Variants in PML observed in about 807,000 individuals in gnomAD.
PML encodes the protein PML nuclear body scaffold, also known as protein PML.
A neutral mutation model predicts 65.2 loss-of-function variants in PML; 28 were observed. The observed-to-expected ratio is 0.43, with a 90% confidence interval of 0.32 to 0.59. PML has a LOEUF of 0.59. PML is among the 20% of genes least tolerant of loss of function. The pLI, the probability that PML is intolerant of heterozygous loss-of-function variation, is 0.08. For missense variants in PML, 1,021 were observed against 1,203.4 expected (o/e 0.85, Z 2.24); for synonymous variants, 500 against 508.8 (o/e 0.98, Z 0.23).
At chr15:74,024,777 C>T in intron 3 of PML, 80 bp from the exon 4 acceptor site, 1 of 1,024,000 alleles carries the variant, frequency 9.8e-7, no homozygotes, top group Non-Finnish European at 1.6e-6. Flanking sequence ...CAGGGACCTC[C>T]TCTCTATCAC....
intron 2 of PML, among the ~76,000 whole-genome samples, chr15:74,013,684 A>G (rs1251970266): frequency 6.6e-6 from 1 of 152,186 alleles, no homozygotes; most frequent in Admixed American, 6.5e-5. Context: ...TTGCTATGTT[A>G]TTTTTACCTT....
At position 74,044,824 on chromosome 15, in the gene PML, A is replaced by G; in HGVS notation, c.2465A>G (p.Lys822Arg). ...HRRDRQGGLK[K>R]YSRYLSLQTT... ...CGTGACCGGCAGGGGGGCCTGAAGAAGTACAGCCGCTATCTAAGCCTGCAG... is the reference window on the plus strand; with the variant it reads ...CGTGACCGGCAGGGGGGCCTGAAGAGGTACAGCCGCTATCTAAGCCTGCAG... The change falls in exon 9 of 9, where the codon AAG becomes AGG. Residue 822 changes from lysine (K) to arginine (R), a missense_variant. Coordinates refer to ENST00000268058, the MANE Select transcript of PML (RefSeq NM_033238.3). 5.0e-6 allele frequency: 8 copies of G among 1,613,234 alleles called. No individual in the cohort carries two copies. Among genetic ancestry groups the G allele is most frequent in the Non-Finnish European group, 6.8e-6 (8 of 1,180,032 alleles).
intron 2 of PML, 67 bp downstream of exon 2, chr15:73,998,543 A>T: frequency 7.3e-7 from 1 of 1,366,412 alleles, no homozygotes; most frequent in Non-Finnish European, 1.0e-6. Context: ...AGGAGCAAAG[A>T]TCCAAAGAGT....
At chr15:74,009,197 A>G (rs2070209349) in intron 2 of PML, among the ~76,000 whole-genome samples, 1 of 152,170 alleles carries the variant, frequency 6.6e-6, no homozygotes, top group South Asian at 2.1e-4. Context: ...AGATCCTAAA[A>G]TTTGCTGGAT....
intron 2 of PML, among the ~76,000 whole-genome samples, chr15:74,020,725 G>T (rs1381891674): frequency 6.6e-6 from 1 of 152,184 alleles, no homozygotes; most frequent in African/African-American, 2.4e-5. Context: ...AGCAGGCTTT[G>T]CTCCTTTGGG....
chr15:73,998,278 C>G lies in PML; in HGVS notation c.404C>G (p.Ser135Trp). Residue 135 changes from serine (S) to tryptophan (W), a missense_variant, in exon 2 of 9, where the codon TCG (serine) becomes TGG (tryptophan). Ser to Trp is a radical substitution (Grantham distance 177). Transcript: ENST00000268058. ...GCTGTGTGCACCCGCTGCAAAGAGT[C>G]GGCCGACTTCTGGTGCTTTGAGTGC... is the stretch of plus-strand genomic sequence containing the variant. ...AQAVCTRCKE[S>W]ADFWCFECEQ... 2.5e-6 allele frequency: 4 copies of G among 1,614,190 alleles called. No homozygotes were observed. The highest frequency in any genetic ancestry group is 3.4e-6 in the Non-Finnish European group (4 of 1,180,034).
At chr15:74,016,599 T>C (rs4886844) in intron 2 of PML, among the ~76,000 whole-genome samples, 75,521 of 151,750 alleles carry the variant, frequency 0.5, 19,330 homozygotes, top group Non-Finnish European at 0.56. Flanking sequence ...AAAATCTAAA[T>C]AGGTGAAAAG....
rs2071767500 is a variant in PML at position 74,046,064 on chromosome 15, C to G, written c.*1056C>G. 4.3e-6 allele frequency: 1 copy of G among 233,080 alleles called. No homozygotes were observed. Among genetic ancestry groups the G allele is most frequent in the East Asian group, 6.0e-5 (1 of 16,572 alleles). 14.4% of individuals were successfully genotyped at this position (233,080 alleles called of 1,614,324 possible). ...CTGTGCAGTGAGTGTGGCCTAGGAA[C>G]AGGTCCCTTCCTAAGCTCTAGTGTC... is the stretch of plus-strand genomic sequence containing the variant. On this transcript the variant is annotated 3_prime_UTR_variant, in exon 9 of 9. Transcript: ENST00000268058.
rs1453073399 is a variant in PML at position 74,044,815 on chromosome 15, G to T, written c.2456G>T (p.Gly819Val). Reference sequence around the variant, plus strand: ...GCACACCGCCGTGACCGGCAGGGGGGCCTGAAGAAGTACAGCCGCTATCTA... The same window carrying T: ...GCACACCGCCGTGACCGGCAGGGGGTCCTGAAGAAGTACAGCCGCTATCTA... The part of the protein sequence containing the change: ...LSAHRRDRQG[G>V]LKKYSRYLSL... Residue 819 changes from glycine to valine, a missense_variant, in exon 9 of 9, where the codon GGC becomes GTC. Coordinates refer to ENST00000268058, the MANE Select transcript of PML (RefSeq NM_033238.3). 5 of 1,613,072 alleles carry T rather than the reference G, an allele frequency of 3.1e-6. No individual in the cohort carries two copies. The highest frequency in any genetic ancestry group is 4.2e-6 in the Non-Finnish European group (5 of 1,180,040).
At chr15:74,034,912 G>A in intron 7 of PML, 2 of 1,440,304 alleles carry the variant, frequency 1.4e-6, no homozygotes, top group Non-Finnish European at 1.8e-6. Context: ...GCCAGTGAAG[G>A]GGTGTCAGGC....
intron 2 of PML, among the ~76,000 whole-genome samples, chr15:74,004,398 CT>C (rs1422848582): frequency 6.6e-6 from 1 of 152,048 alleles, no homozygotes; most frequent in Non-Finnish European, 1.5e-5. Flanking sequence ...AACTCCTAGA[CT>C]CAAGAGGTCT....
chr15:74,044,973 C>T lies in PML; in HGVS notation c.2614C>T (p.Arg872Cys), dbSNP rs762496523. The change falls in exon 9 of 9, where the codon CGT becomes TGT. Residue 872 changes from arginine to cysteine, a missense_variant. Physicochemically the swap from Arg to Cys is radical, Grantham distance 180. Coordinates refer to ENST00000268058, the MANE Select transcript of PML (RefSeq NM_033238.3). ...AGGAGTCTCCACCCCACTTGCTGGC[C>T]GTGGCTTGGCAGAGAGGGCCTCCCA... ...AEGVSTPLAG[R>C]GLAERASQQS 3.9e-5 allele frequency: 62 copies of T among 1,608,744 alleles called. No homozygotes were observed. Among genetic ancestry groups the T allele is most frequent in the Non-Finnish European group, 4.3e-5 (51 of 1,178,408 alleles).
In PML at chr15:74,046,171, A is replaced by G. The variant is rs901440364; in HGVS notation, c.*1163A>G. On this transcript the variant is annotated 3_prime_UTR_variant, in exon 9 of 9. Coordinates refer to ENST00000268058, the MANE Select transcript of PML (RefSeq NM_033238.3). Reference sequence around the variant, plus strand: ...CCATCCTGCATTTTTAGGAATGGAAAGCAGGCCTCTGAGGCAGTGGACAGG... The same window carrying G: ...CCATCCTGCATTTTTAGGAATGGAAGGCAGGCCTCTGAGGCAGTGGACAGG... The G allele has an allele frequency of 3.9e-5, 9 of 233,056 alleles. No homozygotes were observed. Among genetic ancestry groups the G allele is most frequent in the Admixed American group, 5.6e-5 (1 of 17,778 alleles). The allele number at this position is 233,056 out of a possible 1,614,324, so 14.4% of individuals were successfully genotyped here.
In PML at chr15:74,023,775, G is replaced by A. The variant is rs371619328; in HGVS notation, c.1183+367G>A. Among the ~76,000 whole-genome samples the A allele has an allele frequency of 3.9e-5, 6 of 152,290 alleles. No homozygotes were observed. The East Asian group carries it at 7.7e-4, about 20-fold the overall frequency. ...GGTTCTCTTAAGCCACCGGTGTCTC[G>A]GAACAGAGAAGTCAATTGGGACCTG... On this transcript the variant is annotated intron_variant, in intron 3 of 8. Transcript: ENST00000268058.
chr15:74,003,496 T>A (rs2069883400), intron 2 of PML, among the ~76,000 whole-genome samples: 2 of 152,178 alleles, frequency 1.3e-5, no homozygotes, highest in Non-Finnish European at 2.9e-5. Flanking sequence ...ACCTATCTCA[T>A]CTATCACCAC....
In PML at chr15:74,042,322, T is replaced by A; in HGVS notation, c.1711-667T>A. On this transcript the variant is annotated intron_variant, in intron 7 of 8. Coordinates refer to ENST00000268058, the MANE Select transcript of PML (RefSeq NM_033238.3). The surrounding 1 kb of genome is among the most constrained non-coding windows in gnomAD (Gnocchi z 5.3). ...ACTGCCAAGGACCTGGGTGTCCACCTAGATGTGGCCTTCAGGAGGCCAAGC... is the reference window on the plus strand; with the variant it reads ...ACTGCCAAGGACCTGGGTGTCCACCAAGATGTGGCCTTCAGGAGGCCAAGC... 1.0e-6 allele frequency: 1 copy of A among 982,714 alleles called. No homozygotes were observed. The highest frequency in any genetic ancestry group is 1.7e-5 in the African/African-American group (1 of 57,298). 60.9% of individuals were successfully genotyped at this position (982,714 alleles called of 1,614,324 possible).
rs1409199757 is a variant in PML at position 74,035,762 on chromosome 15, G to A, written c.1710+1232G>A. ...CCCAGCTTGACATGTCTTCCGTGGT[G>A]GGGGCAGGGGAAAGCAGAGCCCAGA... On this transcript the variant is annotated intron_variant, in intron 7 of 8. Coordinates refer to ENST00000268058, the MANE Select transcript of PML (RefSeq NM_033238.3). The surrounding 1 kb of genome is among the most constrained non-coding windows in gnomAD (Gnocchi z 4.1). 1.9e-6 allele frequency: 3 copies of A among 1,614,126 alleles called. No homozygotes were observed. The Admixed American group carries it at 5.0e-5, about 27-fold the overall frequency.
At position 74,001,689 on chromosome 15, in the gene PML, G is replaced by A. The variant is rs1217159825; in HGVS notation, c.602+3213G>A. Among the ~76,000 whole-genome samples, 4 of 152,268 alleles carry A rather than the reference G, an allele frequency of 2.6e-5. No individual in the cohort carries two copies. In the East Asian group the frequency reaches 5.8e-4, roughly 22 times the overall value. On this transcript the variant is annotated intron_variant, in intron 2 of 8. Coordinates refer to ENST00000268058, the MANE Select transcript of PML (RefSeq NM_033238.3). ...AAGTTCTCTGTATATGGTTTTGGCT[G>A]TATGCCATAACTTTGATAACTTCAT...
chr15:74,025,150 ATGG>A (rs1321104152), intron 4 of PML: 1 of 563,630 alleles, frequency 1.8e-6, no homozygotes, highest in African/African-American at 1.9e-5. Flanking sequence ...GTTGCTCTTG[ATGG>A]GCCATGAGCC....
Sources: allele counts gnomAD v4.1 joint callset (sites outside exome capture counted in the v4.1 genomes callset), GRCh38; gene constraint gnomAD v4.1.1; non-coding constraint Gnocchi (gnomAD v3.1); transcripts MANE v1.5; gene names NCBI Gene and HGNC (gene_info 2026-07-23, HGNC 2026-07-21).